Variants in NFRKB observed in about 807,000 individuals in gnomAD.
The protein encoded by NFRKB is nuclear factor related to kappa-B-binding protein.
A neutral mutation model predicts 135.7 loss-of-function variants in NFRKB; 62 were observed. The ratio of observed to expected loss-of-function variants is 0.46; its 90% CI spans 0.37 to 0.56. The LOEUF (loss-of-function observed/expected upper bound fraction) is 0.56. Among genes scored for constraint, NFRKB ranks in the 20% least tolerant of loss-of-function variants. The probability of loss-of-function intolerance (pLI) is 0.00; values close to 1 mark genes in which losing one functional copy is unlikely to be tolerated. For synonymous variants in NFRKB, 678 were observed against 635.6 expected (o/e 1.07, Z -1.00); for missense variants, 1,545 against 1,662.0 (o/e 0.93, Z 1.22).
chr11:129,882,110 C>T lies in NFRKB; in HGVS notation c.1167G>A (p.Leu389=). Residue 389 remains leucine (L), a synonymous_variant, in exon 11 of 27, where the codon CTG becomes CTA. Transcript: ENST00000682444. Reference sequence around the variant, plus strand: ...CCATAGGAAGGCTAGCCTGACTCTCCAGCAGCAAGATCTCTAATAGAAGAG... The same window carrying T: ...CCATAGGAAGGCTAGCCTGACTCTCTAGCAGCAAGATCTCTAATAGAAGAG... ...FFSLLLEILL[L]ESQASLPMLE... 2 of 1,611,702 alleles carry T rather than the reference C, an allele frequency of 1.2e-6. No individual in the cohort carries two copies. The highest frequency in any genetic ancestry group is 1.7e-6 in the Non-Finnish European group (2 of 1,179,292).
At position 129,863,638 on chromosome 11, in the gene NFRKB, CAA is replaced by C; in HGVS notation, c.*1085_*1086del. The C allele has an allele frequency of 6.3e-6, 1 of 157,892 alleles. No homozygotes were observed. Among genetic ancestry groups the C allele is most frequent in the South Asian group, 1.9e-4 (1 of 5,214 alleles). 9.8% of individuals were successfully genotyped at this position (157,892 alleles called of 1,614,324 possible). On this transcript the variant is annotated 3_prime_UTR_variant, in exon 27 of 27. Coordinates refer to ENST00000682444, the MANE Select transcript of NFRKB (RefSeq NM_001143835.2). ...ACAAACAAACAAACAAACAAACAAA[CAA>C]ACAAAAAACGCTTTTACTTAAAAGG... is the stretch of plus-strand genomic sequence containing the variant.
At chr11:129,867,727 G>C (rs1948271822) in intron 24 of NFRKB, among the ~76,000 whole-genome samples, 2 of 152,110 alleles carry the variant, frequency 1.3e-5, no homozygotes, top group South Asian at 4.1e-4. Flanking sequence ...ATTTATGAAG[G>C]CTTCCCTATA....
intron 2 of NFRKB, 96 bp downstream of exon 2, chr11:129,894,263 A>G (rs1039696112): frequency 9.2e-5 from 14 of 152,226 alleles, no homozygotes; most frequent in Admixed American, 5.9e-4. Flanking sequence ...TGGGCTAAAA[A>G]GCATACTAAA....
chr11:129,865,959 C>T lies in NFRKB; in HGVS notation c.3556G>A (p.Val1186Ile). Residue 1186 changes from valine (V) to isoleucine (I), a missense_variant, in exon 25 of 27, where the codon GTT (valine) becomes ATT (isoleucine). By Grantham distance (29) the Val-to-Ile change is conservative. This residue lies in a region of NFRKB where 753 missense variants were observed against 804.3 expected (regional missense o/e 0.94). Transcript: ENST00000682444. ...QAGKLPTRIT[V>I]PLSVISQPMK... ...GGCTGGCTGATCACAGAGAGGGGAA[C>T]TGTGATCCGTGTAGGCAACTTCCCC... 6.2e-7 allele frequency: 1 copy of T among 1,612,788 alleles called. No individual in the cohort carries two copies. Among genetic ancestry groups the T allele is most frequent in the Non-Finnish European group, 8.5e-7 (1 of 1,179,580 alleles).
At chr11:129,884,931 C>T in intron 6 of NFRKB, 85 bp from the exon 7 acceptor site, 2 of 1,602,410 alleles carry the variant, frequency 1.2e-6, no homozygotes, top group Non-Finnish European at 1.7e-6. Flanking sequence ...TTGGGTTCAA[C>T]AAGGCTAAGC....
Position 129,873,972 on chromosome 11 carries a change from T to C in NFRKB, c.2323A>G (p.Met775Val), listed in dbSNP as rs1174957611. 6.2e-6 allele frequency: 10 copies of C among 1,612,932 alleles called. No individual in the cohort carries two copies. Among genetic ancestry groups the C allele is most frequent in the East Asian group, 2.2e-5 (1 of 44,882 alleles). ...GTCTGGCTGGAAGCTGGGGAAAGCA[T>C]TGTTCCCAGATGTGGCATTGTTGGT... ...SSPTMPHLGT[M>V]LSPASSQTAP... Residue 775 changes from methionine to valine, a missense_variant, in exon 22 of 27, where the codon ATG (methionine) becomes GTG (valine). Met to Val is a conservative substitution (Grantham distance 21). This residue lies in a region of NFRKB where 753 missense variants were observed against 804.3 expected (regional missense o/e 0.94). Coordinates refer to ENST00000682444, the MANE Select transcript of NFRKB (RefSeq NM_001143835.2).
In NFRKB at chr11:129,877,321, T is replaced by C; in HGVS notation, c.1572+4A>G. 6.2e-7 allele frequency: 1 copy of C among 1,614,094 alleles called. No homozygotes were observed. Among genetic ancestry groups the C allele is most frequent in the Non-Finnish European group, 8.5e-7 (1 of 1,179,956 alleles). Reference sequence around the variant, plus strand: ...GAGACTTACACTGGCTTTTAGGTTCTTACCTGCTCCTGAAAAACCCGTTTC... The same window carrying C: ...GAGACTTACACTGGCTTTTAGGTTCCTACCTGCTCCTGAAAAACCCGTTTC... On this transcript the variant is annotated splice_donor_region_variant and intron_variant, in intron 16 of 26. Transcript: ENST00000682444.
Position 129,870,079 on chromosome 11 carries a change from C to T in NFRKB, c.2946G>A (p.Lys982=), listed in dbSNP as rs1470151407. The change falls in exon 24 of 27, where the codon AAG becomes AAA. Residue 982 remains lysine, a synonymous_variant. Coordinates refer to ENST00000682444, the MANE Select transcript of NFRKB (RefSeq NM_001143835.2). ...ITPDMMATLA[K]SQVTTVKLTQ... ...TCAATTTGACTGTGGTAACCTGGGA[C>T]TTGGCCAATGTGGCCATCATGTCCG... is the stretch of plus-strand genomic sequence containing the variant. The T allele has an allele frequency of 6.2e-7, 1 of 1,614,160 alleles. No homozygotes were observed. Among genetic ancestry groups the T allele is most frequent in the Admixed American group, 1.7e-5 (1 of 60,016 alleles).
chr11:129,884,681 A>G (rs1949187063), intron 7 of NFRKB, 64 bp downstream of exon 7: 1 of 1,586,142 alleles, frequency 6.3e-7, no homozygotes. Context: ...ACCTCCCTCT[A>G]AAGGAGTTTT....
Position 129,874,885 on chromosome 11 carries a change from C to T in NFRKB, c.1886G>A (p.Arg629Gln). 1 of 1,614,082 alleles carries T rather than the reference C, an allele frequency of 6.2e-7. No homozygotes were observed. The highest frequency in any genetic ancestry group is 8.5e-7 in the Non-Finnish European group (1 of 1,180,036). ...VNTVVSGALDRLHYEKDPCVK... is the reference protein window; with the variant it reads ...VNTVVSGALDQLHYEKDPCVK... ...ACAGGGATCTTTTTCGTAATGTAGC[C>T]GATCCAGTGCACCACTCACTACTGT... The change falls in exon 19 of 27, where the codon CGG (arginine) becomes CAG (glutamine). Residue 629 changes from arginine to glutamine, a missense_variant. By Grantham distance (43) the Arg-to-Gln change is conservative. Coordinates refer to ENST00000682444, the MANE Select transcript of NFRKB (RefSeq NM_001143835.2). The surrounding 1 kb of genome is among the most constrained non-coding windows in gnomAD (Gnocchi z 4.5).
At position 129,876,749 on chromosome 11, in the gene NFRKB, C is replaced by A. The variant is rs745949460; in HGVS notation, c.1719G>T (p.Arg573=). ...AREHSLLRSD[R]PAYVTILSLV... Reference sequence around the variant, plus strand: ...GAGACAGAATGGTGACGTAGGCAGGCCGGTCGGAGCGCAGCAGGGAGTGCT... The same window carrying A: ...GAGACAGAATGGTGACGTAGGCAGGACGGTCGGAGCGCAGCAGGGAGTGCT... The change falls in exon 17 of 27, where the codon CGG becomes CGT. Residue 573 remains arginine (R), a synonymous_variant. Transcript: ENST00000682444. The A allele has an allele frequency of 6.2e-7, 1 of 1,613,800 alleles. No individual in the cohort carries two copies. Among genetic ancestry groups the A allele is most frequent in the Admixed American group, 1.7e-5 (1 of 59,944 alleles).
In NFRKB at chr11:129,872,888, T is replaced by C; in HGVS notation, c.2759A>G (p.Lys920Arg). The C allele has an allele frequency of 1.3e-6, 2 of 1,597,290 alleles. No individual in the cohort carries two copies. The highest frequency in any genetic ancestry group is 1.7e-6 in the Non-Finnish European group (2 of 1,167,262). The change falls in exon 23 of 27, where the codon AAG becomes AGG. Residue 920 changes from lysine to arginine, a missense_variant. Physicochemically the swap from Lys to Arg is conservative, Grantham distance 26 (BLOSUM62 2). Around this residue, in one of 3 missense-constraint regions of NFRKB, gnomAD observed 753 missense variants for 804.3 expected, o/e 0.94. Coordinates refer to ENST00000682444, the MANE Select transcript of NFRKB (RefSeq NM_001143835.2). ...IQNVTGQNIIKQVAITGQLGV... is the reference protein window; with the variant it reads ...IQNVTGQNIIRQVAITGQLGV... ...CGTGGAAAGAGCCCCACCTACCTGC[T>C]TGATGATGTTCTGTCCTGTGACATT...
chr11:129,882,730 C>T, intron 9 of NFRKB, 99 bp from the exon 10 acceptor site: 2 of 1,235,854 alleles, frequency 1.6e-6, no homozygotes, highest in East Asian at 4.7e-5. Flanking sequence ...CCACCAAAGA[C>T]AGAAAAGTCT....
intron 18 of NFRKB, 133 bp from the exon 19 acceptor site, chr11:129,875,049 T>C (rs117668855): frequency 9.1e-7 from 1 of 1,094,024 alleles, no homozygotes; most frequent in East Asian, 2.5e-5. Flanking sequence ...AGCTGCGTAT[T>C]CCCAATAGTT....
Position 129,883,106 on chromosome 11 carries a change from G to A in NFRKB, c.901+16C>T, listed in dbSNP as rs773497433. The A allele has an allele frequency of 8.1e-6, 13 of 1,613,002 alleles. No homozygotes were observed. Among genetic ancestry groups the A allele is most frequent in the Middle Eastern group, 1.7e-4 (1 of 6,054 alleles). ...CATAGTCAGATGAAGGCTCCTAGAGGGGCCCAGTCATTTACCTGCCAGAGA... is the reference window on the plus strand; with the variant it reads ...CATAGTCAGATGAAGGCTCCTAGAGAGGCCCAGTCATTTACCTGCCAGAGA... On this transcript the variant is annotated intron_variant, in intron 9 of 26. Transcript: ENST00000682444.
chr11:129,876,667 G>T, intron 17 of NFRKB, 54 bp downstream of exon 17: 1 of 1,456,100 alleles, frequency 6.9e-7, no homozygotes, highest in South Asian at 1.3e-5. Flanking sequence ...GTTGGTAAGA[G>T]AAAAGCTGCG....
chr11:129,864,518 G>A lies in NFRKB; in HGVS notation c.*207C>T. The A allele has an allele frequency of 1.7e-6, 1 of 594,840 alleles. No individual in the cohort carries two copies. Among genetic ancestry groups the A allele is most frequent in the African/African-American group, 1.9e-5 (1 of 53,888 alleles). The allele number at this position is 594,840 out of a possible 1,614,324, so 36.8% of individuals were successfully genotyped here. ...CCTAGATTGGTAGAGAGCAGACCTT[G>A]GAACCCTGGAGTGAACCTTTCTCAG... On this transcript the variant is annotated 3_prime_UTR_variant, in exon 27 of 27. Coordinates refer to ENST00000682444, the MANE Select transcript of NFRKB (RefSeq NM_001143835.2).
At chr11:129,866,116 A>C in intron 24 of NFRKB, 133 bp from the exon 25 acceptor site, 15 of 687,492 alleles carry the variant, frequency 2.2e-5, no homozygotes, top group African/African-American at 3.6e-5. Context: ...CCAGGGTCTC[A>C]AGGCTCCTGA....
chr11:129,872,745 C>A (rs569592463), intron 23 of NFRKB, 139 bp downstream of exon 23: 13 of 832,306 alleles, frequency 1.6e-5, no homozygotes, highest in South Asian at 1.4e-4. Flanking sequence ...GGAACTCACA[C>A]CTAAGTATCT....
Sources: allele counts gnomAD v4.1 joint callset (sites outside exome capture counted in the v4.1 genomes callset), GRCh38; gene constraint gnomAD v4.1.1; regional missense constraint gnomAD v4.1.1; non-coding constraint Gnocchi (gnomAD v3.1); transcripts MANE v1.5; gene names NCBI Gene and HGNC (gene_info 2026-07-23, HGNC 2026-07-21).